The following PBLD variants were observed in gnomAD, a reference collection of about 807,000 sequenced individuals.
The protein encoded by PBLD is phenazine biosynthesis-like domain-containing protein.
A neutral mutation model predicts 31.3 loss-of-function variants in PBLD; 26 were observed. That is an observed-to-expected ratio of 0.83 (90% CI 0.61 to 1.15). PBLD has a LOEUF of 1.15. PBLD is among the 50% of genes most tolerant of loss of function. PBLD has a pLI of 0.00. For synonymous variants in PBLD, 114 were observed against 129.0 expected (o/e 0.88, Z 0.79); for missense variants, 307 against 351.7 (o/e 0.87, Z 1.02).
intron 4 of PBLD, 125 bp downstream of exon 4, chr10:68,296,141 A>G (rs2044423606): frequency 3.0e-6 from 2 of 669,644 alleles, no homozygotes; most frequent in South Asian, 2.6e-5. Flanking sequence ...TATGAATAGC[A>G]TGAAGTAAAC....
intron 1 of PBLD, among the ~76,000 whole-genome samples, chr10:68,307,253 C>T (rs911463992): frequency 1.3e-5 from 2 of 152,074 alleles, no homozygotes; most frequent in African/African-American, 2.4e-5. Flanking sequence ...TGGTCTCGAA[C>T]TCCTGACCTC....
Position 68,306,754 on chromosome 10 carries a change from C to T in PBLD, c.84+7G>A. On this transcript the variant is annotated splice_region_variant and intron_variant, in intron 2 of 9. Transcript: ENST00000358769. Reference sequence around the variant, plus strand: ...TCAGGTACTGTAATTCAAAACCAAGCACTTACATTTTCTAGGAGGCAAACA... The same window carrying T: ...TCAGGTACTGTAATTCAAAACCAAGTACTTACATTTTCTAGGAGGCAAACA... 6.2e-7 allele frequency: 1 copy of T among 1,610,254 alleles called. No homozygotes were observed. The highest frequency in any genetic ancestry group is 1.1e-5 in the South Asian group (1 of 90,706).
chr10:68,324,787 T>C (rs914768379), intron 1 of PBLD, among the ~76,000 whole-genome samples: 17 of 151,808 alleles, frequency 1.1e-4, no homozygotes, highest in Non-Finnish European at 2.1e-4. Flanking sequence ...GGCTAATTTT[T>C]GTATTTTTAG....
At chr10:68,314,466 C>T (rs2044709883) in intron 1 of PBLD, among the ~76,000 whole-genome samples, 1 of 152,194 alleles carries the variant, frequency 6.6e-6, no homozygotes, top group Non-Finnish European at 1.5e-5. Context: ...TGAGAACCAC[C>T]ATCCTGCAAT....
chr10:68,288,441 C>T, intron 8 of PBLD, 42 bp downstream of exon 8: 2 of 1,591,402 alleles, frequency 1.3e-6, no homozygotes, highest in South Asian at 1.1e-5. Flanking sequence ...TGATCCTCCT[C>T]TTCCATTGTT....
Position 68,296,364 on chromosome 10 carries a change from C to G in PBLD, c.185G>C (p.Ser62Thr), listed in dbSNP as rs756247151. 4.3e-6 allele frequency: 7 copies of G among 1,610,902 alleles called. No individual in the cohort carries two copies. Among genetic ancestry groups the G allele is most frequent in the African/African-American group, 2.7e-5 (2 of 74,804 alleles). The change falls in exon 4 of 10, where the codon AGT (serine) becomes ACT (threonine). Residue 62 changes from serine (S) to threonine (T), a missense_variant and splice_region_variant. Physicochemically the swap from Ser to Thr is moderately conservative, Grantham distance 58. Coordinates refer to ENST00000358769, the MANE Select transcript of PBLD (RefSeq NM_022129.4). ...AAACCATCTCAGTCCAAAGCAGGAACCTGAGGATAGGAAAAGCCAAAGAGA... is the reference window on the plus strand; with the variant it reads ...AAACCATCTCAGTCCAAAGCAGGAAGCTGAGGATAGGAAAAGCCAAAGAGA... Reference protein sequence around the residue: ...KLHPTDNFAQSSCFGLRWFTP... With the variant: ...KLHPTDNFAQTSCFGLRWFTP...
intron 2 of PBLD, among the ~76,000 whole-genome samples, chr10:68,302,570 C>T (rs751254373): frequency 6.6e-6 from 1 of 152,104 alleles, no homozygotes; most frequent in African/African-American, 2.4e-5. Context: ...AAACATTAGG[C>T]TGGGTGCAGT....
chr10:68,310,010 C>T (rs1233986891), intron 1 of PBLD, among the ~76,000 whole-genome samples: 1 of 148,720 alleles, frequency 6.7e-6, no homozygotes, highest in African/African-American at 2.5e-5. Context: ...ATAGCAGGCA[C>T]CTGTAATCCC....
At chr10:68,298,448 G>A (rs527844881) in intron 2 of PBLD, among the ~76,000 whole-genome samples, 10 of 152,208 alleles carry the variant, frequency 6.6e-5, no homozygotes, top group South Asian at 2.1e-4. Flanking sequence ...GCAACATAGC[G>A]AGAACCTGAC....
chr10:68,303,516 C>T lies in PBLD; in HGVS notation c.84+3245G>A, dbSNP rs540635930. Reference sequence around the variant, plus strand: ...AATTTAAAAATTTAAAAATGTCAGCCGGGCGTGGTGACTCACACCTGTAAT... The same window carrying T: ...AATTTAAAAATTTAAAAATGTCAGCTGGGCGTGGTGACTCACACCTGTAAT... On this transcript the variant is annotated intron_variant, in intron 2 of 9. Coordinates refer to ENST00000358769, the MANE Select transcript of PBLD (RefSeq NM_022129.4). Among the ~76,000 whole-genome samples the T allele has an allele frequency of 6.0e-5, 9 of 149,970 alleles. No individual in the cohort carries two copies. The South Asian group carries it at 8.7e-4, about 14-fold the overall frequency.
At chr10:68,321,577 G>A (rs2044835569) in intron 1 of PBLD, among the ~76,000 whole-genome samples, 1 of 152,216 alleles carries the variant, frequency 6.6e-6, no homozygotes, top group South Asian at 2.1e-4. Context: ...TCAAAAAAAT[G>A]TGGAAATTAA....
intron 2 of PBLD, among the ~76,000 whole-genome samples, chr10:68,303,383 G>GA (rs1187594139): frequency 3.4e-5 from 5 of 146,680 alleles, no homozygotes; most frequent in African/African-American, 5.0e-5. Context: ...ACCGCACCCA[G>GA]ACAATTTTTA....
In PBLD at chr10:68,309,208, C is replaced by T. The variant is rs540039395; in HGVS notation, c.-59-2305G>A. Among the ~76,000 whole-genome samples, 22 of 149,024 alleles carry T rather than the reference C, an allele frequency of 1.5e-4. 2 individuals carry two copies. The South Asian group carries it at 4.5e-3, about 30-fold the overall frequency. On this transcript the variant is annotated intron_variant, in intron 1 of 9. Coordinates refer to ENST00000358769, the MANE Select transcript of PBLD (RefSeq NM_022129.4). The stretch of plus-strand genomic sequence containing the variant: ...ATCACTTGAGGTCAGGAGTTTGAGA[C>T]CACCCTGGCCAACGTGGTGAAACCC...
At chr10:68,328,216 T>C (rs2044953954) in intron 1 of PBLD, among the ~76,000 whole-genome samples, 1 of 152,216 alleles carries the variant, frequency 6.6e-6, no homozygotes, top group South Asian at 2.1e-4. Context: ...TTAGATGAAA[T>C]TTAGTGGATT....
At chr10:68,289,663 TCA>T (rs1183126379) in intron 6 of PBLD, among the ~76,000 whole-genome samples, 24 of 136,498 alleles carry the variant, frequency 1.8e-4, no homozygotes, top group African/African-American at 4.8e-4. Context: ...AGGCCAAAGA[TCA>T]CACACACACA....
At chr10:68,327,318 T>C (rs1332420984) in intron 1 of PBLD, among the ~76,000 whole-genome samples, 3 of 152,194 alleles carry the variant, frequency 2.0e-5, no homozygotes, top group South Asian at 2.1e-4. Context: ...TCGTTATTTT[T>C]TGCAGACTTA....
rs1589668427 is a variant in PBLD, at chr10:68,315,643, A to G, written c.-59-8740T>C. 2.0e-5 allele frequency among the ~76,000 whole-genome samples: 3 copies of G among 152,190 alleles called. No individual in the cohort carries two copies. In the East Asian group the frequency reaches 5.8e-4, roughly 29 times the overall value. ...CTTGAGAATCTAGAAGGCAATATAC[A>G]TACATAGGGCTCTGCATATATCCTA... On this transcript the variant is annotated intron_variant, in intron 1 of 9. Coordinates refer to ENST00000358769, the MANE Select transcript of PBLD (RefSeq NM_022129.4).
intron 1 of PBLD, among the ~76,000 whole-genome samples, chr10:68,325,608 A>G (rs928875913): frequency 6.6e-6 from 1 of 152,188 alleles, no homozygotes; most frequent in African/African-American, 2.4e-5. Flanking sequence ...ATTGATCATC[A>G]ATCTTAAAAG....
At chr10:68,317,955 C>T (rs762257911) in intron 1 of PBLD, among the ~76,000 whole-genome samples, 12 of 150,956 alleles carry the variant, frequency 7.9e-5, no homozygotes, top group Non-Finnish European at 1.5e-4. Flanking sequence ...AGGCCGGGCA[C>T]GGTGGCTCAC....
Sources: allele counts gnomAD v4.1 joint callset (sites outside exome capture counted in the v4.1 genomes callset), GRCh38; gene constraint gnomAD v4.1.1; transcripts MANE v1.5; gene names NCBI Gene and HGNC (gene_info 2026-07-23, HGNC 2026-07-21).